SNED1: variants seen among roughly 807,000 people sequenced by gnomAD.
The protein encoded by SNED1 is sushi, nidogen and EGF like domains 1.
SNED1 carries 81 observed loss-of-function variants against 166.7 expected under a neutral mutation model. The observed-to-expected ratio is 0.49, with a 90% CI of 0.41 to 0.58. SNED1 has a LOEUF of 0.58. SNED1 is among the 20% of genes least tolerant of loss of function. The pLI is 0.00. For missense variants in SNED1, 1,604 were observed against 2,000.2 expected (o/e 0.80, Z 3.78); for synonymous variants, 762 against 822.0 (o/e 0.93, Z 1.25).
intron 8 of SNED1, among the ~76,000 whole-genome samples, chr2:241,046,866 C>G (rs1048457828): frequency 6.6e-6 from 1 of 152,154 alleles, no homozygotes; most frequent in African/African-American, 2.4e-5. Context: ...CAAAAAGTAG[C>G]TGGCGTGGTG....
chr2:241,049,774 T>TG (rs773199368), intron 11 of SNED1, 43 bp from the exon 12 acceptor site: 2 of 1,493,928 alleles, frequency 1.3e-6, no homozygotes. Context: ...CCCGCACAGA[T>TG]GCGGCGTAAG....
Position 241,067,914 on chromosome 2 carries a change from A to T in SNED1, c.3161A>T (p.Asp1054Val). The change falls in exon 22 of 32, where the codon GAT becomes GTT. Residue 1054 changes from aspartate (D) to valine (V), a missense_variant. Physicochemically the swap from Asp to Val is radical, Grantham distance 152. Around this residue, in one of 2 missense-constraint regions of SNED1, gnomAD observed 1,237 missense variants for 1,620.8 expected, o/e 0.76. Coordinates refer to ENST00000310397, the MANE Select transcript of SNED1 (RefSeq NM_001080437.3). ...HPEALRDQAT[D>V]VDRSVDRFTF... ...GAGGCCCTCAGGGACCAGGCCACCG[A>T]TGTGGACAGGAGTGTGGACAGGTTC... 1 of 1,607,216 alleles carries T rather than the reference A, an allele frequency of 6.2e-7. No homozygotes were observed. The highest frequency in any genetic ancestry group is 8.5e-7 in the Non-Finnish European group (1 of 1,176,420).
At chr2:241,034,898 G>T (rs1244988936) in intron 4 of SNED1, among the ~76,000 whole-genome samples, 168 bp downstream of exon 4, 1 of 152,154 alleles carries the variant, frequency 6.6e-6, no homozygotes, top group Non-Finnish European at 1.5e-5. Context: ...AGCCTGGCTG[G>T]TCCTGCAGCC....
Position 241,071,864 on chromosome 2 carries a change from C to T in SNED1, c.3803C>T (p.Ala1268Val). Residue 1268 changes from alanine to valine, a missense_variant, in exon 26 of 32, where the codon GCC becomes GTC. By Grantham distance (64) the Ala-to-Val change is moderately conservative (BLOSUM62 0). This residue lies in a region of SNED1 where 367 missense variants were observed against 379.4 expected (regional missense o/e 0.97). Transcript: ENST00000310397. ...TTCGGTGGCTCACCCAGCAAAGCAG[C>T]CACCGTGAGATCACGTGAGTGCCAG... ...ARFGGSPSKA[A>V]TVRSQPTASA... 2 of 1,604,042 alleles carry T rather than the reference C, an allele frequency of 1.2e-6. No individual in the cohort carries two copies. The highest frequency in any genetic ancestry group is 2.3e-5 in the South Asian group (2 of 88,806).
chr2:241,005,782 T>C (rs1217337961), intron 1 of SNED1, among the ~76,000 whole-genome samples: 1 of 152,148 alleles, frequency 6.6e-6, no homozygotes, highest in Non-Finnish European at 1.5e-5. Context: ...TCTTTGTCCC[T>C]CCGCATATGC....
chr2:241,071,900 C>G, intron 26 of SNED1, 22 bp downstream of exon 26: 1 of 1,576,764 alleles, frequency 6.3e-7, no homozygotes. Flanking sequence ...GGCCTCCCCA[C>G]CCACCTTGGT....
At chr2:241,062,696 C>A in intron 16 of SNED1, 95 bp from the exon 17 acceptor site, 1 of 815,436 alleles carries the variant, frequency 1.2e-6, no homozygotes, top group South Asian at 1.4e-5. Context: ...GATGTATCAT[C>A]GAATTCTGTC....
intron 1 of SNED1, among the ~76,000 whole-genome samples, chr2:241,026,735 TGTG>T (rs1305330220): frequency 6.6e-6 from 1 of 152,250 alleles, no homozygotes; most frequent in African/African-American, 2.4e-5. Context: ...AGTTTTTCAT[TGTG>T]GTAAAACACA....
At chr2:241,083,955 C>T (rs543360512) in intron 29 of SNED1, among the ~76,000 whole-genome samples, 65 of 141,212 alleles carry the variant, frequency 4.6e-4, no homozygotes, top group Admixed American at 4.1e-3. Context: ...TTCTTTTTTC[C>T]TGCCTAATTT....
In SNED1 at chr2:241,045,922, T is replaced by G. The variant is rs191757866; in HGVS notation, c.1274-2393T>G. Among the ~76,000 whole-genome samples, 105 of 152,290 alleles carry G rather than the reference T, an allele frequency of 6.9e-4. 1 individual carries two copies. The East Asian group carries it at 0.019, about 27-fold the overall frequency. On this transcript the variant is annotated intron_variant, in intron 8 of 31. Transcript: ENST00000310397. ...AAACTCATACCCAACAAAGGACTTG[T>G]GATCAGAATACACCAAGAATTCTCA...
intron 1 of SNED1, among the ~76,000 whole-genome samples, chr2:241,012,968 TGG>T (rs2060461954): frequency 1.3e-5 from 2 of 152,068 alleles, no homozygotes; most frequent in African/African-American, 4.8e-5. Context: ...CCCGAGTAGC[TGG>T]GACTACAGGT....
In SNED1 at chr2:241,081,679, G is replaced by T. The variant is rs377131444; in HGVS notation, c.3919G>T (p.Val1307Phe). Residue 1307 changes from valine to phenylalanine, a missense_variant and splice_region_variant, in exon 28 of 32, where the codon GTC (valine) becomes TTC (phenylalanine). Around this residue, in one of 2 missense-constraint regions of SNED1, gnomAD observed 367 missense variants for 379.4 expected, o/e 0.97. Coordinates refer to ENST00000310397, the MANE Select transcript of SNED1 (RefSeq NM_001080437.3). The part of the protein sequence containing the change: ...PEHGSKDIGN[V>F]PGNCSENPCQ... ...CCTCTCGTGACCTCTGTTTCCAGAC[G>T]TCCCTGGCAACTGTTCAGAAAACCC... The T allele has an allele frequency of 1.4e-5, 22 of 1,597,954 alleles. No homozygotes were observed. The highest frequency in any genetic ancestry group is 1.9e-5 in the Non-Finnish European group (22 of 1,172,142).
Position 241,092,128 on chromosome 2 carries a change from A to G in SNED1, c.*492A>G, listed in dbSNP as rs1292324825. The G allele has an allele frequency of 2.6e-5, 4 of 152,318 alleles. No homozygotes were observed. Among genetic ancestry groups the G allele is most frequent in the Non-Finnish European group, 5.9e-5 (4 of 68,110 alleles). The allele number at this position is 152,318 out of a possible 1,614,324, so 9.4% of individuals were successfully genotyped here. ...CGGGGGCAGGGGCTGAAGGGCAGAG[A>G]CCAGGTGATGTCAGAAGGAAAGCCG... On this transcript the variant is annotated 3_prime_UTR_variant, in exon 32 of 32. Transcript: ENST00000310397. The surrounding 1 kb of genome is among the most constrained non-coding windows in gnomAD (Gnocchi z 4.6).
At chr2:241,067,040 G>A (rs1432210299) in intron 21 of SNED1, among the ~76,000 whole-genome samples, 1 of 152,236 alleles carries the variant, frequency 6.6e-6, no homozygotes, top group Non-Finnish European at 1.5e-5. Context: ...GCTCGCCTGG[G>A]CTGTTTTAGG....
Position 241,065,121 on chromosome 2 carries a change from C to G in SNED1, c.2713+164C>G, listed in dbSNP as rs77040835. Among the ~76,000 whole-genome samples the G allele has an allele frequency of 4.4e-3, 667 of 152,144 alleles. 1 individual carries two copies. Among genetic ancestry groups the G allele is most frequent in the African/African-American group, 0.015 (627 of 41,514 alleles). On this transcript the variant is annotated intron_variant, in intron 20 of 31. Transcript: ENST00000310397. ...TCCCCCGGTGGGCTTGAAACACGGT[C>G]ACACATTCAAAAGTGTGACCCTCCT...
intron 2 of SNED1, among the ~76,000 whole-genome samples, chr2:241,032,117 A>C (rs2061191252): frequency 1.3e-5 from 2 of 152,290 alleles, no homozygotes; most frequent in African/African-American, 4.8e-5. Context: ...TGGGAGGCCA[A>C]GTCAGAGGGA....
chr2:241,085,233 C>T (rs537276438), intron 29 of SNED1, among the ~76,000 whole-genome samples: 1 of 152,166 alleles, frequency 6.6e-6, no homozygotes, highest in South Asian at 2.1e-4. Context: ...TCTGGGACTC[C>T]AGTTATGCGT....
chr2:241,075,203 G>A lies in SNED1; in HGVS notation c.3916+1839G>A, dbSNP rs2062963614. ...GTTTGGTATGAGCAGTGCTGCAGTG[G>A]ATGTTCCTGTACAGGTTTTCCAGTA... On this transcript the variant is annotated intron_variant, in intron 27 of 31. Coordinates refer to ENST00000310397, the MANE Select transcript of SNED1 (RefSeq NM_001080437.3). The surrounding 1 kb of genome is among the most constrained non-coding windows in gnomAD (Gnocchi z 4.8). 1 of 152,204 alleles carries A rather than the reference G, an allele frequency of 6.6e-6. No homozygotes were observed. The highest frequency in any genetic ancestry group is 6.5e-5 in the Admixed American group (1 of 15,270). The allele number at this position is 152,204 out of a possible 1,614,324, so 9.4% of individuals were successfully genotyped here.
rs2064207123 is a variant in SNED1, at chr2:241,093,830, A to T, written c.*2194A>T. On this transcript the variant is annotated 3_prime_UTR_variant, in exon 32 of 32. Transcript: ENST00000310397. The stretch of plus-strand genomic sequence containing the variant: ...AAAAACTCAAATGGCTTCCTTGAAA[A>T]TACTCAAAGTCCACCCAAGGAAATT... The T allele has an allele frequency of 6.6e-6, 1 of 152,434 alleles. No homozygotes were observed. The highest frequency in any genetic ancestry group is 6.5e-5 in the Admixed American group (1 of 15,306). The allele number at this position is 152,434 out of a possible 1,614,324, so 9.4% of individuals were successfully genotyped here. A position where few individuals can be genotyped will look rare whatever the true frequency, so the allele number is the denominator to read the frequency against.
Sources: allele counts gnomAD v4.1 joint callset (sites outside exome capture counted in the v4.1 genomes callset), GRCh38; gene constraint gnomAD v4.1.1; regional missense constraint gnomAD v4.1.1; non-coding constraint Gnocchi (gnomAD v3.1); transcripts MANE v1.5; gene names NCBI Gene and HGNC (gene_info 2026-07-23, HGNC 2026-07-21).